The following NOXA1 variants were observed in gnomAD, a reference collection of about 807,000 sequenced individuals.
NOXA1 encodes NCF2-like protein.
NOXA1 carries 56 observed loss-of-function variants against 64.8 expected under a neutral mutation model. The ratio of observed to expected loss-of-function variants is 0.86; its 90% confidence interval spans 0.70 to 1.08. The LOEUF (loss-of-function observed/expected upper bound fraction) is 1.08, where lower values mean the gene tolerates loss of function less well. Ranked by LOEUF, NOXA1 falls within the 50% of genes least tolerant of loss-of-function variation. The pLI, the probability that NOXA1 is intolerant of heterozygous loss-of-function variation, is 0.00. For missense variants in NOXA1, 668 were observed against 658.5 expected (o/e 1.01, Z -0.16); for synonymous variants, 295 against 294.8 (o/e 1.00, Z -0.01).
intron 8 of NOXA1, among the ~76,000 whole-genome samples, chr9:137,432,249 C>T (rs139022461): frequency 6.1e-5 from 9 of 147,428 alleles, no homozygotes; most frequent in African/African-American, 7.6e-5. Flanking sequence ...CACTCCACTC[C>T]GGCCTGGGCA....
Position 137,423,696 on chromosome 9 carries a change from C to G in NOXA1, c.167C>G (p.Ala56Gly), listed in dbSNP as rs1838680182. 7.5e-7 allele frequency: 1 copy of G among 1,325,310 alleles called. No individual in the cohort carries two copies. Among genetic ancestry groups the G allele is most frequent in the African/African-American group, 1.5e-5 (1 of 65,130 alleles). The allele number at this position is 1,325,310 out of a possible 1,614,324, so 82.1% of individuals were successfully genotyped here. ...CVHLLAGDPE[A>G]ALRAFDQAVT... ...CACCTGCTGGCCGGGGACCCCGAGGCCGCGCTGCGGGTGAGCGGGGCGTGG... is the reference window on the plus strand; with the variant it reads ...CACCTGCTGGCCGGGGACCCCGAGGGCGCGCTGCGGGTGAGCGGGGCGTGG... Residue 56 changes from alanine (A) to glycine (G), a missense_variant, in exon 1 of 14, where the codon GCC becomes GGC. Ala to Gly is a moderately conservative substitution (Grantham distance 60). Transcript: ENST00000683555.
At chr9:137,429,070 C>G in intron 4 of NOXA1, 54 bp downstream of exon 4, 5 of 1,474,776 alleles carry the variant, frequency 3.4e-6, no homozygotes, top group Non-Finnish European at 4.5e-6. Context: ...CAAAGCTCCT[C>G]AAGACCAATT....
Position 137,423,597 on chromosome 9 carries a change from G to A in NOXA1, c.68G>A (p.Trp23Ter). The change falls in exon 1 of 14, where the codon TGG becomes TAG. Residue 23 changes from tryptophan (W) to a stop codon, truncating the protein, a stop_gained. Transcript: ENST00000683555. LOFTEE classifies it high-confidence loss of function. ...LGAQAVDRGD[W>*]ARALHLFSGV... ...GCGCAGGCTGTGGATCGTGGGGACT[G>A]GGCCCGCGCCTTGCACCTCTTCTCG... 6.8e-7 allele frequency: 1 copy of A among 1,479,704 alleles called. No homozygotes were observed. The highest frequency in any genetic ancestry group is 9.0e-7 in the Non-Finnish European group (1 of 1,116,064). 91.7% of individuals were successfully genotyped at this position (1,479,704 alleles called of 1,614,324 possible).
chr9:137,429,420 G>T (rs760762865), intron 5 of NOXA1, 37 bp downstream of exon 5: 1 of 1,422,130 alleles, frequency 7.0e-7, no homozygotes, highest in Non-Finnish European at 9.7e-7. Flanking sequence ...CATGGCGGCT[G>T]GTGCTGAGCC....
At chr9:137,433,705 T>C (rs1450374858) in intron 11 of NOXA1, 45 bp from the exon 12 acceptor site, 3 of 1,482,116 alleles carry the variant, frequency 2.0e-6, no homozygotes, top group Non-Finnish European at 2.7e-6. Flanking sequence ...CTGCCCTCCC[T>C]GCAGGCCCCA....
At chr9:137,432,274 T>G (rs1427453889) in intron 8 of NOXA1, among the ~76,000 whole-genome samples, 1 of 118,112 alleles carries the variant, frequency 8.5e-6, no homozygotes, top group Non-Finnish European at 1.7e-5. Flanking sequence ...AGCAAGACCC[T>G]GTCTCAAAAA....
chr9:137,423,939 A>G (rs999349306), intron 1 of NOXA1, among the ~76,000 whole-genome samples: 2 of 152,054 alleles, frequency 1.3e-5, no homozygotes, highest in East Asian at 1.9e-4. Context: ...CACACCGGGA[A>G]GGGGGAAGCT....
chr9:137,433,297 C>T (rs1839199728), intron 10 of NOXA1, 34 bp downstream of exon 10: 5 of 1,531,488 alleles, frequency 3.3e-6, no homozygotes, highest in Non-Finnish European at 4.4e-6. Context: ...CTGTCAGTCA[C>T]CTGAGGGAGG....
At chr9:137,428,375 G>A (rs1165124386) in intron 3 of NOXA1, among the ~76,000 whole-genome samples, 1 of 152,108 alleles carries the variant, frequency 6.6e-6, no homozygotes, top group East Asian at 1.9e-4. Context: ...GAGGGCAGAG[G>A]CGAAAGGCTG....
chr9:137,429,527 C>A, intron 5 of NOXA1, 144 bp downstream of exon 5: 1 of 620,232 alleles, frequency 1.6e-6, no homozygotes, highest in Non-Finnish European at 2.8e-6. Flanking sequence ...CTCAAACTGG[C>A]GCCCACGGTA....
In NOXA1 at chr9:137,434,362, G is replaced by A. The variant is rs1470054152; in HGVS notation, c.*2G>A. 3 of 1,584,276 alleles carry A rather than the reference G, an allele frequency of 1.9e-6. No homozygotes were observed. Among genetic ancestry groups the A allele is most frequent in the Non-Finnish European group, 2.6e-6 (3 of 1,164,994 alleles). ...TCCCAGCAGGGAGATCAGCCCTAATGATGCTGTGTCCATGATGCTTTTAAT... is the reference window on the plus strand; with the variant it reads ...TCCCAGCAGGGAGATCAGCCCTAATAATGCTGTGTCCATGATGCTTTTAAT... On this transcript the variant is annotated 3_prime_UTR_variant, in exon 14 of 14. Coordinates refer to ENST00000683555, the MANE Select transcript of NOXA1 (RefSeq NM_001256067.2).
chr9:137,430,019 G>C (rs907425668), intron 5 of NOXA1, among the ~76,000 whole-genome samples: 1 of 127,168 alleles, frequency 7.9e-6, no homozygotes, highest in Non-Finnish European at 1.6e-5. Context: ...AGGTCCCGGG[G>C]GGGGTGCCTG....
intron 4 of NOXA1, 55 bp from the exon 5 acceptor site, chr9:137,429,221 C>T: frequency 7.2e-7 from 1 of 1,396,814 alleles, no homozygotes; most frequent in East Asian, 2.5e-5. Context: ...GGCTCTGCGG[C>T]TGCAGGCCTG....
At chr9:137,428,474 G>A (rs1013500134) in intron 3 of NOXA1, among the ~76,000 whole-genome samples, 1 of 151,838 alleles carries the variant, frequency 6.6e-6, no homozygotes, top group African/African-American at 2.4e-5. Flanking sequence ...TGTTGGCACC[G>A]AAGGAGGGGT....
intron 1 of NOXA1, 92 bp from the exon 2 acceptor site, chr9:137,426,156 A>C: frequency 8.4e-7 from 1 of 1,185,304 alleles, no homozygotes; most frequent in Non-Finnish European, 1.3e-6. Flanking sequence ...GGCTGACGGA[A>C]TTCCGTGGCC....
rs1228927547 is a variant in NOXA1, at chr9:137,433,556, G to A, written c.1013G>A (p.Arg338Gln). 8.3e-6 allele frequency: 13 copies of A among 1,569,338 alleles called. No individual in the cohort carries two copies. The highest frequency in any genetic ancestry group is 4.7e-5 in the East Asian group (2 of 42,996). The part of the protein sequence containing the change: ...ARRGADLSSL[R>Q]ALLGQALPHQ... ...AGAGGAGCCGACCTGTCCAGCCTGCGGGCACTGCTGGGCCAAGCCCTCCCT... is the reference window on the plus strand; with the variant it reads ...AGAGGAGCCGACCTGTCCAGCCTGCAGGCACTGCTGGGCCAAGCCCTCCCT... The change falls in exon 11 of 14, where the codon CGG (arginine) becomes CAG (glutamine). Residue 338 changes from arginine to glutamine, a missense_variant. Arg to Gln is a conservative substitution (Grantham distance 43, BLOSUM62 1). Transcript: ENST00000683555.
Position 137,433,125 on chromosome 9 carries a change from G to A in NOXA1, c.850+51G>A, listed in dbSNP as rs771297691. On this transcript the variant is annotated intron_variant, in intron 9 of 13. Transcript: ENST00000683555. ...CCCCGGGTGAAGGAGGAAGCTGCTG[G>A]TGCATGGGTGCCGGCTGCCCTCCAC... 9.3e-6 allele frequency: 15 copies of A among 1,610,928 alleles called. No individual in the cohort carries two copies. In the South Asian group the frequency reaches 1.5e-4, roughly 17 times the overall value.
intron 5 of NOXA1, 81 bp from the exon 6 acceptor site, chr9:137,430,703 G>C (rs1454471476): frequency 5.5e-6 from 7 of 1,281,136 alleles, no homozygotes; most frequent in Non-Finnish European, 7.3e-6. Context: ...TAGAGCTGCG[G>C]GGCACGGTGG....
Position 137,433,242 on chromosome 9 carries a change from T to G in NOXA1, c.888T>G (p.Cys296Trp), listed in dbSNP as rs958286928. 1 of 1,598,738 alleles carries G rather than the reference T, an allele frequency of 6.3e-7. No homozygotes were observed. The highest frequency in any genetic ancestry group is 1.3e-5 in the African/African-American group (1 of 74,342). ...TGGGGGGGCCTGGCCCCGGCCCCTG[T>G]GAGGACCCCGCGGGTGCTGGGGTAA... ...PAMGGPGPGP[C>W]EDPAGAGGAG... Residue 296 changes from cysteine (C) to tryptophan (W), a missense_variant, in exon 10 of 14, where the codon TGT becomes TGG. Cys to Trp is a radical substitution (Grantham distance 215, BLOSUM62 -2). Coordinates refer to ENST00000683555, the MANE Select transcript of NOXA1 (RefSeq NM_001256067.2).
Sources: gnomAD v4.1 joint callset for allele counts (sites outside exome capture counted in the v4.1 genomes callset) on GRCh38, gnomAD v4.1.1 for gene constraint, MANE v1.5 for transcripts, NCBI Gene and HGNC (gene_info 2026-07-23, HGNC 2026-07-21) for gene names.